Variants in FHIP1A observed in about 807,000 individuals in gnomAD.
FHIP1A encodes the protein FHF complex subunit HOOK interacting protein 1A.
Under a neutral mutation model 88.6 loss-of-function variants are expected in FHIP1A, and 61 were observed. The ratio of observed to expected loss-of-function variants is 0.69; its 90% CI spans 0.56 to 0.85. The LOEUF (loss-of-function observed/expected upper bound fraction) is 0.85. Among genes scored for constraint, FHIP1A ranks in the 40% least tolerant of loss-of-function variants. The pLI is 0.00. For synonymous variants in FHIP1A, 478 were observed against 496.0 expected (o/e 0.96, Z 0.48); for missense variants, 1,154 against 1,273.5 (o/e 0.91, Z 1.43).
At chr4:151,441,943 G>A (rs190503808) in intron 1 of FHIP1A, among the ~76,000 whole-genome samples, 272 of 152,176 alleles carry the variant, frequency 1.8e-3, no homozygotes, top group South Asian at 2.3e-3. Context: ...TGAACGATTT[G>A]TTCTCTTGTT....
chr4:151,566,156 G>T lies in FHIP1A; in HGVS notation c.-104G>T. On this transcript the variant is annotated 5_prime_UTR_variant, in exon 4 of 14. It removes an upstream start codon present in the reference 5' UTR. Coordinates refer to ENST00000435205, the MANE Select transcript of FHIP1A (RefSeq NM_001109977.3). ...ATTACAGGTTTTGGAAGGTGACAAT[G>T]AAATGTGAAGAAGTTACATTTCTCA... is the stretch of plus-strand genomic sequence containing the variant. 1.6e-6 allele frequency: 1 copy of T among 607,330 alleles called. No individual in the cohort carries two copies. 37.6% of individuals were successfully genotyped at this position (607,330 alleles called of 1,614,324 possible). A position where few individuals can be genotyped will look rare whatever the true frequency, so the allele number is the denominator to read the frequency against.
At chr4:151,452,735 G>A (rs11736961) in intron 1 of FHIP1A, among the ~76,000 whole-genome samples, 17,554 of 150,422 alleles carry the variant, frequency 0.12, 1,080 homozygotes, top group African/African-American at 0.14. Flanking sequence ...AGAGATTGGC[G>A]CCACTGTACT....
chr4:151,528,012 T>C (rs1025724794), intron 3 of FHIP1A, among the ~76,000 whole-genome samples: 4 of 152,156 alleles, frequency 2.6e-5, no homozygotes, highest in African/African-American at 9.7e-5. Flanking sequence ...CCAAGCGTTA[T>C]CTCAGGTATT....
At chr4:151,447,613 G>T (rs867345703) in intron 1 of FHIP1A, among the ~76,000 whole-genome samples, 2 of 151,854 alleles carry the variant, frequency 1.3e-5, no homozygotes, top group Non-Finnish European at 2.9e-5. Context: ...GGGCTGAATT[G>T]TGCCCACTCA....
intron 3 of FHIP1A, among the ~76,000 whole-genome samples, chr4:151,552,065 CA>C (rs1407510882): frequency 1.3e-5 from 2 of 152,158 alleles, no homozygotes; most frequent in African/African-American, 4.8e-5. Flanking sequence ...AGCCAAAAAA[CA>C]AATGAAAAAG....
At chr4:151,530,428 TCA>T (rs1315991847) in intron 3 of FHIP1A, among the ~76,000 whole-genome samples, 1 of 152,144 alleles carries the variant, frequency 6.6e-6, no homozygotes, top group African/African-American at 2.4e-5. Context: ...CTGCCTCTCC[TCA>T]GTTAGGTACC....
intron 1 of FHIP1A, chr4:151,436,631 T>A (rs1182291960): frequency 6.6e-6 from 1 of 152,212 alleles, no homozygotes; most frequent in Non-Finnish European, 1.5e-5. Flanking sequence ...GTTTTAAACT[T>A]GACAAAGTGT....
intron 3 of FHIP1A, among the ~76,000 whole-genome samples, chr4:151,520,323 C>T (rs1731405643): frequency 6.6e-6 from 1 of 151,832 alleles, no homozygotes; most frequent in African/African-American, 2.4e-5. Context: ...TTTTTCTTCC[C>T]TTGTTGTATT....
chr4:151,646,768 G>A lies in FHIP1A; in HGVS notation c.1417+20G>A. ...CTTCAGGTAGGAACTCGCTAGTGAT[G>A]ATCTTTAAACAAAAGGATGCCAGTT... On this transcript the variant is annotated intron_variant, in intron 10 of 13. Coordinates refer to ENST00000435205, the MANE Select transcript of FHIP1A (RefSeq NM_001109977.3). 6.6e-7 allele frequency: 1 copy of A among 1,511,274 alleles called. No homozygotes were observed. The highest frequency in any genetic ancestry group is 1.2e-5 in the South Asian group (1 of 82,566). The allele number at this position is 1,511,274 out of a possible 1,614,324, so 93.6% of individuals were successfully genotyped here. A position where few individuals can be genotyped will look rare whatever the true frequency, so the allele number is the denominator to read the frequency against.
intron 13 of FHIP1A, among the ~76,000 whole-genome samples, chr4:151,661,415 T>G (rs897762963): frequency 3.9e-4 from 59 of 151,860 alleles, no homozygotes; most frequent in Admixed American, 6.6e-5. Context: ...GTTGTTTTTT[T>G]TTTTTTTTTT....
At chr4:151,489,704 G>A (rs1181754791) in intron 3 of FHIP1A, among the ~76,000 whole-genome samples, 2 of 152,042 alleles carry the variant, frequency 1.3e-5, no homozygotes, top group Non-Finnish European at 2.9e-5. Context: ...GACTTTCCCC[G>A]CTTCCCTGAT....
At chr4:151,488,973 C>A (rs1730182734) in intron 3 of FHIP1A, among the ~76,000 whole-genome samples, 1 of 152,296 alleles carries the variant, frequency 6.6e-6, no homozygotes, top group Admixed American at 6.5e-5. Context: ...CTTAGACAGA[C>A]AGAACAGCAT....
Position 151,666,491 on chromosome 4 carries a change from G to A in FHIP1A, c.*3737G>A, listed in dbSNP as rs994424525. Among the ~76,000 whole-genome samples the A allele has an allele frequency of 2.0e-5, 3 of 152,160 alleles. No homozygotes were observed. The East Asian group carries it at 5.8e-4, about 29-fold the overall frequency. On this transcript the variant is annotated 3_prime_UTR_variant, in exon 14 of 14. Transcript: ENST00000435205. Reference sequence around the variant, plus strand: ...ATTTTATTTAGGTCAGATATAGTTAGTTTCTGTCCAGGATAAGACATCATG... The same window carrying A: ...ATTTTATTTAGGTCAGATATAGTTAATTTCTGTCCAGGATAAGACATCATG...
chr4:151,479,086 T>C (rs1729809286), intron 2 of FHIP1A, among the ~76,000 whole-genome samples: 2 of 152,116 alleles, frequency 1.3e-5, no homozygotes, highest in African/African-American at 4.8e-5. Context: ...AGATTGAAGC[T>C]TCATTTGGTT....
intron 3 of FHIP1A, among the ~76,000 whole-genome samples, chr4:151,524,479 G>A (rs533796494): frequency 3.3e-5 from 5 of 152,174 alleles, no homozygotes; most frequent in African/African-American, 7.2e-5. Context: ...ATCAGGACTG[G>A]TATCGAAGTG....
chr4:151,412,799 C>T (rs1402525659), intron 1 of FHIP1A, among the ~76,000 whole-genome samples: 1 of 151,048 alleles, frequency 6.6e-6, no homozygotes, highest in African/African-American at 2.4e-5. Flanking sequence ...ATTCTCCTGC[C>T]TCAGCCTCCC....
intron 5 of FHIP1A, among the ~76,000 whole-genome samples, chr4:151,581,096 T>C (rs1277061857): frequency 1.3e-5 from 2 of 152,152 alleles, no homozygotes; most frequent in Admixed American, 1.3e-4. Context: ...TAACCTCAAG[T>C]GATCTGCCCG....
chr4:151,594,694 C>G (rs1578795977), intron 7 of FHIP1A, among the ~76,000 whole-genome samples: 1 of 152,034 alleles, frequency 6.6e-6, no homozygotes, highest in South Asian at 2.1e-4. Context: ...CTGTCTCAGC[C>G]TCCGGAGTAG....
At chr4:151,597,601 G>T (rs62327267) in intron 7 of FHIP1A, among the ~76,000 whole-genome samples, 48,474 of 152,014 alleles carry the variant, frequency 0.32, 7,754 homozygotes, top group Non-Finnish European at 0.33. Context: ...CAGGCAGGAA[G>T]GTTTAAGTCT....
Sources: gnomAD v4.1 joint callset for allele counts (sites outside exome capture counted in the v4.1 genomes callset) on GRCh38, gnomAD v4.1.1 for gene constraint, MANE v1.5 for transcripts, NCBI Gene and HGNC (gene_info 2026-07-23, HGNC 2026-07-21) for gene names.